Variants in ANKRD55 observed in about 807,000 individuals in gnomAD.
The protein encoded by ANKRD55 is ankyrin repeat domain 55, also known as ankyrin repeat domain-containing protein 55.
A neutral mutation model predicts 60.6 loss-of-function variants in ANKRD55; 41 were observed. The observed-to-expected ratio is 0.68, with a 90% confidence interval of 0.53 to 0.88. The LOEUF (loss-of-function observed/expected upper bound fraction) is 0.88, where lower values mean the gene tolerates loss of function less well. Ranked by LOEUF, ANKRD55 falls within the 40% of genes least tolerant of loss-of-function variation. The pLI is 0.00. For synonymous variants in ANKRD55, 264 were observed against 290.3 expected (o/e 0.91, Z 0.92); for missense variants, 732 against 767.6 (o/e 0.95, Z 0.55).
In ANKRD55 at chr5:56,099,944, T is replaced by G. The variant is rs766279343; in HGVS notation, c.*239A>C. 4.3e-6 allele frequency: 2 copies of G among 469,840 alleles called. No homozygotes were observed. Among genetic ancestry groups the G allele is most frequent in the Non-Finnish European group, 7.5e-6 (2 of 264,978 alleles). The allele number at this position is 469,840 out of a possible 1,614,324, so 29.1% of individuals were successfully genotyped here. A position where few individuals can be genotyped will look rare whatever the true frequency, so the allele number is the denominator to read the frequency against. Reference sequence around the variant, plus strand: ...TTCCTACTGATAACATATTTTGTCTTTTAATTTTGGCATGTGGAAGTCACA... The same window carrying G: ...TTCCTACTGATAACATATTTTGTCTGTTAATTTTGGCATGTGGAAGTCACA... On this transcript the variant is annotated 3_prime_UTR_variant, in exon 12 of 12. Transcript: ENST00000341048.
chr5:56,200,892 C>T (rs1168060077), intron 2 of ANKRD55, among the ~76,000 whole-genome samples: 1 of 152,166 alleles, frequency 6.6e-6, no homozygotes. Flanking sequence ...TGGACAACCA[C>T]AGAGGACTCT....
Position 56,108,761 on chromosome 5 carries a change from G to C in ANKRD55, c.1630+2357C>G, listed in dbSNP as rs182244735. Reference sequence around the variant, plus strand: ...CTTTTTAAAAAAACATATTGCAGCTGGGCACAGTGGCTCACGCCTGTAATC... The same window carrying C: ...CTTTTTAAAAAAACATATTGCAGCTCGGCACAGTGGCTCACGCCTGTAATC... On this transcript the variant is annotated intron_variant, in intron 10 of 11. Transcript: ENST00000341048. Among the ~76,000 whole-genome samples the C allele has an allele frequency of 3.5e-4, 53 of 152,250 alleles. No homozygotes were observed. In the East Asian group the frequency reaches 7.3e-3, roughly 21 times the overall value.
chr5:56,141,130 G>GTTTGTTT (rs1561266938), intron 7 of ANKRD55, among the ~76,000 whole-genome samples: 3 of 111,774 alleles, frequency 2.7e-5, no homozygotes, highest in Admixed American at 2.1e-4. Flanking sequence ...TGCACACACA[G>GTTTGTTT]TTTTTTTTTT....
chr5:56,210,029 A>T (rs1265033627), intron 2 of ANKRD55, among the ~76,000 whole-genome samples: 1 of 151,982 alleles, frequency 6.6e-6, no homozygotes, highest in Non-Finnish European at 1.5e-5. Flanking sequence ...AAAATTTGAG[A>T]TGGAGTCTCG....
At chr5:56,147,148 T>C (rs559187023) in intron 6 of ANKRD55, among the ~76,000 whole-genome samples, 14 of 152,264 alleles carry the variant, frequency 9.2e-5, no homozygotes, top group Non-Finnish European at 1.5e-4. Context: ...TCATAGAATC[T>C]TTACATGATC....
intron 6 of ANKRD55, among the ~76,000 whole-genome samples, chr5:56,146,441 C>T (rs1439044760): frequency 4.6e-5 from 7 of 152,044 alleles, no homozygotes; most frequent in South Asian, 2.1e-4. Flanking sequence ...CCCGCCACCA[C>T]GCCTGCCTAA....
intron 8 of ANKRD55, among the ~76,000 whole-genome samples, chr5:56,125,283 C>CT (rs869302717): frequency 1.5e-3 from 228 of 147,514 alleles, no homozygotes; most frequent in African/African-American, 4.5e-3. Flanking sequence ...TTTCTTTTTT[C>CT]TTTTTTTTTT....
At chr5:56,195,704 A>C (rs543754105) in intron 2 of ANKRD55, among the ~76,000 whole-genome samples, 1 of 152,240 alleles carries the variant, frequency 6.6e-6, no homozygotes, top group East Asian at 1.9e-4. Flanking sequence ...TCCGCCTCCC[A>C]AAGTGCTGGG....
At chr5:56,107,935 T>C (rs1034730514) in intron 10 of ANKRD55, among the ~76,000 whole-genome samples, 1 of 151,782 alleles carries the variant, frequency 6.6e-6, no homozygotes, top group African/African-American at 2.4e-5. Context: ...AGTGGTGCGA[T>C]CTTGGCTCAC....
chr5:56,212,057 C>T (rs1759686748), intron 2 of ANKRD55, among the ~76,000 whole-genome samples: 1 of 125,718 alleles, frequency 8.0e-6, no homozygotes, highest in Non-Finnish European at 1.6e-5. Context: ...AAGACACACA[C>T]ACACACACAC....
rs1554038504 is a variant in ANKRD55 at position 56,135,290 on chromosome 5, G to GCCTGCCTGCCTGCTTT, written c.613-8185_613-8184insAAAGCAGGCAGGCAGG. 7.2e-5 allele frequency among the ~76,000 whole-genome samples: 5 copies of GCCTGCCTGCCTGCTTT among 69,320 alleles called. No individual in the cohort carries two copies. In the East Asian group the frequency reaches 2.2e-3, roughly 30 times the overall value. The allele number at this position is 69,320 out of a possible 152,430, so 45.5% of individuals were successfully genotyped here. On this transcript the variant is annotated intron_variant, in intron 7 of 11. Coordinates refer to ENST00000341048, the MANE Select transcript of ANKRD55 (RefSeq NM_024669.3). Reference sequence around the variant, plus strand: ...TCCCTCCCTCCCTCCCTGCCTGCCTGCTTGCTTTCTTTCTTTCTTTCTTTC... The same window carrying GCCTGCCTGCCTGCTTT: ...TCCCTCCCTCCCTCCCTGCCTGCCTGCCTGCCTGCCTGCTTTCTTGCTTTCTTTCTTTCTTTCTTTC...
At chr5:56,231,162 T>C (rs1265405086) in intron 2 of ANKRD55, among the ~76,000 whole-genome samples, 1 of 152,088 alleles carries the variant, frequency 6.6e-6, no homozygotes, top group East Asian at 1.9e-4. Flanking sequence ...TTCCATCATA[T>C]GATAAAACCT....
chr5:56,206,625 G>A (rs1473891043), intron 2 of ANKRD55, among the ~76,000 whole-genome samples: 2 of 152,094 alleles, frequency 1.3e-5, no homozygotes, highest in Admixed American at 6.6e-5. Flanking sequence ...GCATAGTTGT[G>A]TACCTCTGCT....
At chr5:56,170,944 A>G (rs1478119180) in intron 4 of ANKRD55, 141 bp from the exon 5 acceptor site, 4 of 699,878 alleles carry the variant, frequency 5.7e-6, no homozygotes, top group Non-Finnish European at 2.4e-6. Context: ...AAGAACCACA[A>G]CTCCATCTTA....
At chr5:56,100,433 G>A (rs2111647617) in intron 11 of ANKRD55, 129 bp from the exon 12 acceptor site, 1 of 1,060,146 alleles carries the variant, frequency 9.4e-7, no homozygotes, top group Non-Finnish European at 1.4e-6. Context: ...GAGCTAGACT[G>A]CAGAGAGAAG....
At chr5:56,198,282 C>G (rs72749950) in intron 2 of ANKRD55, among the ~76,000 whole-genome samples, 25,139 of 152,022 alleles carry the variant, frequency 0.17, 3,960 homozygotes, top group African/African-American at 0.41. Context: ...TCTGCATCTA[C>G]AATTATTATT....
intron 2 of ANKRD55, among the ~76,000 whole-genome samples, chr5:56,197,874 A>AT (rs1015513041): frequency 6.6e-6 from 1 of 152,146 alleles, no homozygotes; most frequent in Admixed American, 6.5e-5. Flanking sequence ...TTGAGTATTA[A>AT]TTTTTCACTT....
intron 8 of ANKRD55, among the ~76,000 whole-genome samples, chr5:56,121,595 T>A (rs943976741): frequency 1.5e-4 from 23 of 151,950 alleles, no homozygotes; most frequent in East Asian, 3.9e-4. Context: ...CTGGTCTCGA[T>A]CTCCTGACCT....
At chr5:56,170,924 TG>T in intron 4 of ANKRD55, 121 bp from the exon 5 acceptor site, 2 of 862,774 alleles carry the variant, frequency 2.3e-6, no homozygotes, top group Non-Finnish European at 3.6e-6. Context: ...TTATTTGACT[TG>T]AAGTGGTTAA....
Sources: gnomAD v4.1 joint callset for allele counts (sites outside exome capture counted in the v4.1 genomes callset) on GRCh38, gnomAD v4.1.1 for gene constraint, MANE v1.5 for transcripts, NCBI Gene and HGNC (gene_info 2026-07-23, HGNC 2026-07-21) for gene names.